The following KCND2 variants were observed in gnomAD, a reference collection of about 807,000 sequenced individuals.
KCND2 encodes A-type voltage-gated potassium channel KCND2.
Under a neutral mutation model 54.4 loss-of-function variants are expected in KCND2, and 16 were observed. The ratio of observed to expected loss-of-function variants is 0.29; its 90% CI spans 0.20 to 0.45. The LOEUF is 0.45. Among genes scored for constraint, KCND2 ranks in the 20% least tolerant of loss-of-function variants. The pLI is 1.00. For missense variants in KCND2, 486 were observed against 824.2 expected (o/e 0.59, Z 5.02); for synonymous variants, 317 against 310.7 (o/e 1.02, Z -0.21).
chr7:120,613,452 ACC>A (rs1792981987), intron 1 of KCND2, among the ~76,000 whole-genome samples: 1 of 152,024 alleles, frequency 6.6e-6, no homozygotes, highest in Non-Finnish European at 1.5e-5. Context: ...AATCACCTGA[ACC>A]CAAGAGGCGG....
At chr7:120,374,941 C>G (rs1265704267) in intron 1 of KCND2, among the ~76,000 whole-genome samples, 1 of 151,820 alleles carries the variant, frequency 6.6e-6, no homozygotes, top group Non-Finnish European at 1.5e-5. Context: ...AGTGTTTACA[C>G]TGTCGCTGGC....
intron 1 of KCND2, among the ~76,000 whole-genome samples, chr7:120,581,974 G>A (rs567550179): frequency 5.3e-5 from 8 of 152,036 alleles, no homozygotes; most frequent in East Asian, 1.9e-4. Context: ...TCAGCCTCCC[G>A]AAGTGCTGGG....
intron 1 of KCND2, among the ~76,000 whole-genome samples, chr7:120,558,625 A>G (rs1003988886): frequency 2.0e-5 from 3 of 152,174 alleles, no homozygotes; most frequent in African/African-American, 7.2e-5. Flanking sequence ...TGATTCTTTC[A>G]TTGAAAATAA....
At chr7:120,731,933 G>T (rs1341302757) in intron 1 of KCND2, among the ~76,000 whole-genome samples, 4 of 152,126 alleles carry the variant, frequency 2.6e-5, no homozygotes, top group African/African-American at 4.8e-5. Context: ...ATATTTGAGA[G>T]AGGAAGAGGA....
At chr7:120,530,505 A>G (rs1053705843) in intron 1 of KCND2, among the ~76,000 whole-genome samples, 4 of 152,090 alleles carry the variant, frequency 2.6e-5, no homozygotes, top group African/African-American at 9.7e-5. Flanking sequence ...CAAAGACATC[A>G]TCTATTAAAA....
chr7:120,696,931 C>G (rs1257820217), intron 1 of KCND2, among the ~76,000 whole-genome samples: 1 of 152,168 alleles, frequency 6.6e-6, no homozygotes, highest in Non-Finnish European at 1.5e-5. Flanking sequence ...TAAAATGCTT[C>G]TAGATCATCA....
At chr7:120,670,770 G>A (rs373017410) in intron 1 of KCND2, among the ~76,000 whole-genome samples, 7 of 151,952 alleles carry the variant, frequency 4.6e-5, no homozygotes, top group Middle Eastern at 3.4e-3. Flanking sequence ...CAAAAAATTC[G>A]CCAGGCGTGG....
intron 1 of KCND2, among the ~76,000 whole-genome samples, chr7:120,318,981 C>T (rs975071861): frequency 6.6e-6 from 1 of 152,048 alleles, no homozygotes; most frequent in Non-Finnish European, 1.5e-5. Flanking sequence ...TTAAAATATT[C>T]ACTTATAATT....
chr7:120,628,636 A>G (rs940829795), intron 1 of KCND2, among the ~76,000 whole-genome samples: 1 of 152,234 alleles, frequency 6.6e-6, no homozygotes, highest in Non-Finnish European at 1.5e-5. Flanking sequence ...ATAAGAATAC[A>G]CTAATGAAAT....
chr7:120,449,395 A>G (rs1212372654), intron 1 of KCND2, among the ~76,000 whole-genome samples: 1 of 152,110 alleles, frequency 6.6e-6, no homozygotes, highest in Non-Finnish European at 1.5e-5. Flanking sequence ...ATACTTATCC[A>G]CATTACCCTA....
chr7:120,400,216 T>C (rs1250429876), intron 1 of KCND2, among the ~76,000 whole-genome samples: 1 of 152,200 alleles, frequency 6.6e-6, no homozygotes, highest in Non-Finnish European at 1.5e-5. Context: ...CAACAATTTG[T>C]ATATTAACAC....
At chr7:120,289,091 G>A (rs1799395892) in intron 1 of KCND2, among the ~76,000 whole-genome samples, 1 of 148,618 alleles carries the variant, frequency 6.7e-6, no homozygotes, top group South Asian at 2.1e-4. Flanking sequence ...GAGAGAGAGA[G>A]AGACTAGGAG....
chr7:120,285,292 A>C (rs1799323571), intron 1 of KCND2, among the ~76,000 whole-genome samples: 1 of 152,074 alleles, frequency 6.6e-6, no homozygotes, highest in African/African-American at 2.4e-5. Context: ...AAAACATCAA[A>C]CCTGAAAATA....
chr7:120,651,965 A>C (rs567254099), intron 1 of KCND2, among the ~76,000 whole-genome samples: 5 of 152,312 alleles, frequency 3.3e-5, no homozygotes, highest in African/African-American at 1.2e-4. Flanking sequence ...CAATCCAGCT[A>C]ACTGAAGCTA....
chr7:120,337,267 A>G (rs1216450734), intron 1 of KCND2, among the ~76,000 whole-genome samples: 1 of 152,170 alleles, frequency 6.6e-6, no homozygotes, highest in Non-Finnish European at 1.5e-5. Context: ...AATTTAACAC[A>G]TTCAGTATAT....
At position 120,334,389 on chromosome 7, in the gene KCND2, C is replaced by T. The variant is rs1022192872; in HGVS notation, c.1115+58642C>T. 1.8e-4 allele frequency among the ~76,000 whole-genome samples: 28 copies of T among 152,246 alleles called. 1 individual carries two copies. Among genetic ancestry groups the T allele is most frequent in the Non-Finnish European group, 4.4e-5 (3 of 67,998 alleles). ...TGATGGATTTTCCAAAAATTTCAGT[C>T]TTATAACTTAGAATTGCTTTATTTT... is the stretch of plus-strand genomic sequence containing the variant. On this transcript the variant is annotated intron_variant, in intron 1 of 5. Coordinates refer to ENST00000331113, the MANE Select transcript of KCND2 (RefSeq NM_012281.3).
At chr7:120,541,606 G>A (rs1424518602) in intron 1 of KCND2, among the ~76,000 whole-genome samples, 5 of 152,002 alleles carry the variant, frequency 3.3e-5, no homozygotes, top group Non-Finnish European at 1.5e-5. Flanking sequence ...AAGCACAAAA[G>A]GTCCTTCAGT....
chr7:120,411,756 A>G (rs1801453330), intron 1 of KCND2, among the ~76,000 whole-genome samples: 1 of 151,986 alleles, frequency 6.6e-6, no homozygotes, highest in South Asian at 2.1e-4. Context: ...CAGCTATGTT[A>G]CTTATTATTT....
chr7:120,371,102 G>C lies in KCND2; in HGVS notation c.1115+95355G>C, dbSNP rs1385004878. ...TCTCTATCGTAATTGATGGGAGAGA[G>C]AACATGCCACACCGTACACTTCCTC... On this transcript the variant is annotated intron_variant, in intron 1 of 5. Coordinates refer to ENST00000331113, the MANE Select transcript of KCND2 (RefSeq NM_012281.3). Among the ~76,000 whole-genome samples, 13 of 152,016 alleles carry C rather than the reference G, an allele frequency of 8.6e-5. No homozygotes were observed. The East Asian group carries it at 2.5e-3, about 29-fold the overall frequency.
Sources: gnomAD v4.1 joint callset for allele counts (sites outside exome capture counted in the v4.1 genomes callset) on GRCh38, gnomAD v4.1.1 for gene constraint, MANE v1.5 for transcripts, NCBI Gene and HGNC (gene_info 2026-07-23, HGNC 2026-07-21) for gene names.